The following INSYN2B variants were observed in gnomAD, a reference collection of about 807,000 sequenced individuals.
INSYN2B encodes protein INSYN2B.
INSYN2B carries 16 observed loss-of-function variants against 41.2 expected under a neutral mutation model. That is an observed-to-expected ratio of 0.39 (90% CI 0.26 to 0.59). The LOEUF (loss-of-function observed/expected upper bound fraction) is 0.59. Ranked by LOEUF, INSYN2B falls within the 20% of genes least tolerant of loss-of-function variation. The probability of loss-of-function intolerance (pLI) is 0.57; values close to 1 mark genes in which losing one functional copy is unlikely to be tolerated. For synonymous variants in INSYN2B, 245 were observed against 244.4 expected, an observed-to-expected ratio of 1.00 and a Z score of -0.02; for missense variants, 608 against 646.4, an observed-to-expected ratio of 0.94 and a Z score of 0.64.
chr5:169,926,677 G>C (rs956514518), intron 1 of INSYN2B, among the ~76,000 whole-genome samples: 1 of 152,198 alleles, frequency 6.6e-6, no homozygotes, highest in African/African-American at 2.4e-5. Context: ...TAGGACTAGA[G>C]GGGGCCTCAA....
intron 1 of INSYN2B, among the ~76,000 whole-genome samples, chr5:169,899,513 G>C (rs565141940): frequency 6.6e-6 from 1 of 152,310 alleles, no homozygotes; most frequent in East Asian, 1.9e-4. Flanking sequence ...GCCTCAAATG[G>C]ACTTGAGGAT....
intron 1 of INSYN2B, among the ~76,000 whole-genome samples, chr5:169,916,934 G>T (rs993418289): frequency 2.6e-5 from 4 of 152,170 alleles, no homozygotes; most frequent in African/African-American, 9.7e-5. Context: ...TAGCCACTAT[G>T]CTGTAAAGAA....
chr5:169,883,148 C>T lies in INSYN2B; in HGVS notation c.751G>A (p.Asp251Asn). ...AAGCAGGAGGTGGATTTTTCTGAAT[C>T]TAGTGGAGTCACCCTTCTCCCATCA... is the stretch of plus-strand genomic sequence containing the variant. ...PGDGRRVTPL[D>N]SEKSTSCLNA... is the part of the protein sequence containing the mutation. Residue 251 changes from aspartate to asparagine, a missense_variant, in exon 2 of 4, where the codon GAT becomes AAT. Physicochemically the swap from Asp to Asn is conservative, Grantham distance 23. Coordinates refer to ENST00000377365, the MANE Select transcript of INSYN2B (RefSeq NM_001129891.3). 1 of 1,551,598 alleles carries T rather than the reference C, an allele frequency of 6.4e-7. No individual in the cohort carries two copies. Among genetic ancestry groups the T allele is most frequent in the Non-Finnish European group, 8.7e-7 (1 of 1,146,932 alleles).
At chr5:169,905,827 G>C (rs1454267240) in intron 1 of INSYN2B, among the ~76,000 whole-genome samples, 1 of 152,166 alleles carries the variant, frequency 6.6e-6, no homozygotes, top group African/African-American at 2.4e-5. Flanking sequence ...GAACACTTTG[G>C]GGCAGATGTA....
chr5:169,926,539 T>C (rs60989576), intron 1 of INSYN2B, among the ~76,000 whole-genome samples: 2,675 of 152,246 alleles, frequency 0.018, 74 homozygotes, highest in African/African-American at 0.06. Context: ...TGAATCTGGG[T>C]GCCGCATGAG....
At chr5:169,957,319 A>G (rs1776909954) in intron 1 of INSYN2B, among the ~76,000 whole-genome samples, 1 of 152,252 alleles carries the variant, frequency 6.6e-6, no homozygotes, top group South Asian at 2.1e-4. Flanking sequence ...GGATAGTAAG[A>G]GTTCCTACTT....
intron 1 of INSYN2B, among the ~76,000 whole-genome samples, chr5:169,958,676 G>A (rs1483982304): frequency 6.6e-6 from 1 of 152,034 alleles, no homozygotes; most frequent in Non-Finnish European, 1.5e-5. Flanking sequence ...TAGGCGTGGA[G>A]CTCTCTTGAA....
At chr5:169,975,479 G>A (rs1244401589) in intron 1 of INSYN2B, among the ~76,000 whole-genome samples, 2 of 152,116 alleles carry the variant, frequency 1.3e-5, no homozygotes, top group East Asian at 3.9e-4. Context: ...CATCATATAC[G>A]GAGCCTTCCC....
rs571302580 is a variant in INSYN2B, at chr5:169,896,438, A to G, written c.-918-11622T>C. Among the ~76,000 whole-genome samples the G allele has an allele frequency of 1.6e-4, 25 of 152,222 alleles. 1 individual carries two copies. Among genetic ancestry groups the G allele is most frequent in the African/African-American group, 5.5e-4 (23 of 41,526 alleles). On this transcript the variant is annotated intron_variant, in intron 1 of 3. Coordinates refer to ENST00000377365, the MANE Select transcript of INSYN2B (RefSeq NM_001129891.3). ...TTTCTGCATCTTTGTTGGAGGGTAA[A>G]TTACTTAACCTCTCTGGGCTATGAT...
At chr5:169,965,608 A>G (rs1398850743) in intron 1 of INSYN2B, among the ~76,000 whole-genome samples, 1 of 152,132 alleles carries the variant, frequency 6.6e-6, no homozygotes, top group African/African-American at 2.4e-5. Flanking sequence ...ATGTCGGGAG[A>G]GCTGGTGGCA....
At chr5:169,919,346 T>G (rs1209479757) in intron 1 of INSYN2B, among the ~76,000 whole-genome samples, 1 of 152,180 alleles carries the variant, frequency 6.6e-6, no homozygotes, top group African/African-American at 2.4e-5. Flanking sequence ...TTATGAAGAT[T>G]TACTGCGTTG....
chr5:169,879,543 G>T (rs1278441911), intron 3 of INSYN2B, among the ~76,000 whole-genome samples: 1 of 152,180 alleles, frequency 6.6e-6, no homozygotes, highest in Non-Finnish European at 1.5e-5. Flanking sequence ...GCATACAATT[G>T]CTGTTCTTCT....
chr5:169,901,445 G>T (rs1248427538), intron 1 of INSYN2B, among the ~76,000 whole-genome samples: 1 of 152,100 alleles, frequency 6.6e-6, no homozygotes, highest in Non-Finnish European at 1.5e-5. Context: ...GCATGCATGC[G>T]TGCATGTGTG....
intron 3 of INSYN2B, among the ~76,000 whole-genome samples, chr5:169,878,597 G>A (rs1772460634): frequency 6.6e-6 from 1 of 152,274 alleles, no homozygotes; most frequent in Admixed American, 6.5e-5. Flanking sequence ...AGACGTTCTA[G>A]TACCAAACTC....
intron 1 of INSYN2B, among the ~76,000 whole-genome samples, chr5:169,900,424 C>T (rs775332546): frequency 2.6e-5 from 4 of 152,158 alleles, no homozygotes; most frequent in South Asian, 2.1e-4. Flanking sequence ...ACTTAATTAT[C>T]GTGGCTGGGC....
intron 2 of INSYN2B, among the ~76,000 whole-genome samples, chr5:169,881,948 C>T (rs891671326): frequency 6.6e-6 from 1 of 152,200 alleles, no homozygotes; most frequent in Non-Finnish European, 1.5e-5. Flanking sequence ...GCCTTTTCCT[C>T]CTATACTGGT....
At chr5:169,962,070 G>C (rs1156895371) in intron 1 of INSYN2B, among the ~76,000 whole-genome samples, 1 of 151,888 alleles carries the variant, frequency 6.6e-6, no homozygotes, top group East Asian at 1.9e-4. Context: ...CAGTGTGTCT[G>C]AGCAGAGTGG....
At chr5:169,872,511 A>C (rs568544172) in intron 3 of INSYN2B, among the ~76,000 whole-genome samples, 1 of 152,170 alleles carries the variant, frequency 6.6e-6, no homozygotes. Context: ...CCCTTCTCCT[A>C]GGGCATCTAT....
intron 1 of INSYN2B, among the ~76,000 whole-genome samples, chr5:169,922,020 T>A (rs938214005): frequency 2.0e-5 from 3 of 152,218 alleles, no homozygotes; most frequent in Non-Finnish European, 4.4e-5. Context: ...GGGCAAATAT[T>A]ATTTTAAGAG....
Sources: gnomAD v4.1 joint callset for allele counts (sites outside exome capture counted in the v4.1 genomes callset) on GRCh38, gnomAD v4.1.1 for gene constraint, MANE v1.5 for transcripts, NCBI Gene and HGNC (gene_info 2026-07-23, HGNC 2026-07-21) for gene names.